GRPEL1: variants seen among roughly 807,000 people sequenced by gnomAD.
GRPEL1 encodes GrpE like 1, mitochondrial.
In GRPEL1, 13 loss-of-function variants were observed where a neutral mutation model predicts 22.1. The ratio of observed to expected loss-of-function variants is 0.59; its 90% CI spans 0.38 to 0.94. The LOEUF is 0.94. Among genes scored for constraint, GRPEL1 ranks in the 40% least tolerant of loss-of-function variants. The pLI is 0.00. For missense variants in GRPEL1, 289 were observed against 264.6 expected, an observed-to-expected ratio of 1.09 and a Z score of -0.64; for synonymous variants, 109 against 105.3, an observed-to-expected ratio of 1.03 and a Z score of -0.21.
intron 3 of GRPEL1, 152 bp downstream of exon 3, chr4:7,062,233 G>T: frequency 2.2e-6 from 1 of 450,146 alleles, no homozygotes; most frequent in Non-Finnish European, 4.1e-6. Flanking sequence ...CACCTTTGCT[G>T]TTGAGCCATC....
rs1724021079 is a variant in GRPEL1 at position 7,060,728 on chromosome 4, G to T, written c.*134C>A. ...ATGCAGTTGGGCAACCGGCTTTTCTGTTTAGCCACTGGTTACTTAAGGTTT... is the reference window on the plus strand; with the variant it reads ...ATGCAGTTGGGCAACCGGCTTTTCTTTTTAGCCACTGGTTACTTAAGGTTT... On this transcript the variant is annotated 3_prime_UTR_variant, in exon 4 of 4. Transcript: ENST00000264954. The T allele has an allele frequency of 2.4e-6, 2 of 816,580 alleles. No individual in the cohort carries two copies. The highest frequency in any genetic ancestry group is 4.9e-5 in the East Asian group (2 of 40,924). The allele number at this position is 816,580 out of a possible 1,614,324, so 50.6% of individuals were successfully genotyped here. A position where few individuals can be genotyped will look rare whatever the true frequency, so the allele number is the denominator to read the frequency against.
chr4:7,064,779 G>A (rs932886850), intron 1 of GRPEL1, among the ~76,000 whole-genome samples: 6 of 152,150 alleles, frequency 3.9e-5, no homozygotes, highest in Middle Eastern at 3.4e-3. Flanking sequence ...GATTACAGGC[G>A]TGAGCCACCG....
Position 7,064,181 on chromosome 4 carries a change from GTTC to G in GRPEL1, c.102_104del (p.Lys34del), listed in dbSNP as rs1296953848. The G allele has an allele frequency of 3.3e-5, 54 of 1,613,974 alleles. No homozygotes were observed. Among genetic ancestry groups the G allele is most frequent in the Non-Finnish European group, 4.6e-5 (54 of 1,179,998 alleles). On this transcript the variant is annotated inframe_deletion, in exon 2 of 4. Transcript: ENST00000264954. ...TGTCCTCTTCCAGGTTCTGGCCACT[GTTC>G]TTTTGTTTCGTGGCTGTGCACAACA...
In GRPEL1 at chr4:7,059,345, G is replaced by A. The variant is rs752546629; in HGVS notation, c.*1517C>T. The stretch of plus-strand genomic sequence containing the variant: ...TAGCAACTGCAGCTGTAGTTGAGAC[G>A]GTAGGAGACTGCAAACATTCACAGA... On this transcript the variant is annotated 3_prime_UTR_variant, in exon 4 of 4. Transcript: ENST00000264954. 1 of 152,206 alleles carries A rather than the reference G, an allele frequency of 6.6e-6. No homozygotes were observed. Among genetic ancestry groups the A allele is most frequent in the South Asian group, 2.1e-4 (1 of 4,830 alleles). The allele number at this position is 152,206 out of a possible 1,614,324, so 9.4% of individuals were successfully genotyped here.
intron 1 of GRPEL1, chr4:7,067,602 A>G (rs1410255532): frequency 6.3e-6 from 2 of 315,548 alleles, no homozygotes; most frequent in Non-Finnish European, 1.2e-5. Flanking sequence ...CTTCAACCGC[A>G]CAAGTTGCGG....
chr4:7,067,740 C>T (rs980520887), intron 1 of GRPEL1, among the ~76,000 whole-genome samples: 1 of 152,242 alleles, frequency 6.6e-6, no homozygotes, highest in Non-Finnish European at 1.5e-5. Flanking sequence ...CGGTCCTCTC[C>T]TCCTGACACG....
chr4:7,065,063 G>C (rs1433741310), intron 1 of GRPEL1, among the ~76,000 whole-genome samples: 1 of 152,146 alleles, frequency 6.6e-6, no homozygotes, highest in Admixed American at 6.5e-5. Context: ...TCCATTCTAA[G>C]GTGACTGAGA....
Position 7,061,560 on chromosome 4 carries a change from C to T in GRPEL1, c.308-352G>A, listed in dbSNP as rs1169095435. ...TGAAGCTGAGACTTGTGTGTGGATG[C>T]CACTAAGCCCGTAAGAGTATGTAAG... On this transcript the variant is annotated intron_variant, in intron 3 of 3. Coordinates refer to ENST00000264954, the MANE Select transcript of GRPEL1 (RefSeq NM_025196.4). 3.5e-5 allele frequency: 9 copies of T among 259,046 alleles called. No homozygotes were observed. The East Asian group carries it at 5.1e-4, about 15-fold the overall frequency. 16.0% of individuals were successfully genotyped at this position (259,046 alleles called of 1,614,324 possible).
At chr4:7,065,332 T>C (rs1479281954) in intron 1 of GRPEL1, among the ~76,000 whole-genome samples, 1 of 152,070 alleles carries the variant, frequency 6.6e-6, no homozygotes, top group Non-Finnish European at 1.5e-5. Context: ...CTGACCAACA[T>C]GGAGAAACCC....
chr4:7,064,189 G>T lies in GRPEL1; in HGVS notation c.97C>A (p.Gln33Lys). 6.2e-7 allele frequency: 1 copy of T among 1,614,010 alleles called. No individual in the cohort carries two copies. The highest frequency in any genetic ancestry group is 8.5e-7 in the Non-Finnish European group (1 of 1,179,962). ...SPRLLCTATK[Q>K]KNSGQNLEED... ...TCCAGGTTCTGGCCACTGTTCTTTT[G>T]TTTCGTGGCTGTGCACAACAACCGG... The change falls in exon 2 of 4, where the codon CAA becomes AAA. Residue 33 changes from glutamine (Q) to lysine (K), a missense_variant. Coordinates refer to ENST00000264954, the MANE Select transcript of GRPEL1 (RefSeq NM_025196.4).
chr4:7,061,223 A>G lies in GRPEL1; in HGVS notation c.308-15T>C, dbSNP rs750489575. On this transcript the variant is annotated splice_polypyrimidine_tract_variant and intron_variant, in intron 3 of 3. Transcript: ENST00000264954. ...GGCTTGAATGCCTGGATGAAGTTAA[A>G]GAAGATCATTTGCACTCCATACCAA... 6.3e-7 allele frequency: 1 copy of G among 1,594,090 alleles called. No individual in the cohort carries two copies. The highest frequency in any genetic ancestry group is 8.6e-7 in the Non-Finnish European group (1 of 1,169,584).
chr4:7,062,898 G>A (rs1724079548), intron 2 of GRPEL1, among the ~76,000 whole-genome samples: 1 of 152,152 alleles, frequency 6.6e-6, no homozygotes, highest in Non-Finnish European at 1.5e-5. Flanking sequence ...AGTCAAAACA[G>A]AAGTAATATC....
At chr4:7,066,313 G>C (rs543277571) in intron 1 of GRPEL1, among the ~76,000 whole-genome samples, 1 of 152,344 alleles carries the variant, frequency 6.6e-6, no homozygotes, top group South Asian at 2.1e-4. Context: ...GAATAAACTT[G>C]CTAACACAAT....
intron 3 of GRPEL1, chr4:7,061,487 C>A (rs938770448): frequency 2.8e-6 from 1 of 362,682 alleles, no homozygotes; most frequent in Non-Finnish European, 5.1e-6. Flanking sequence ...GCCCAGATGT[C>A]AAGCAAGCAG....
At chr4:7,062,772 A>C (rs964049931) in intron 2 of GRPEL1, among the ~76,000 whole-genome samples, 1 of 152,094 alleles carries the variant, frequency 6.6e-6, no homozygotes, top group Non-Finnish European at 1.5e-5. Context: ...TCGGCCTCCC[A>C]AAGTGCTGGG....
At chr4:7,066,819 C>A (rs1470045005) in intron 1 of GRPEL1, among the ~76,000 whole-genome samples, 2 of 152,192 alleles carry the variant, frequency 1.3e-5, no homozygotes, top group Non-Finnish European at 2.9e-5. Context: ...ACTCTGAGAG[C>A]TATGACTACC....
chr4:7,062,141 C>G (rs931075687), intron 3 of GRPEL1: 5 of 268,594 alleles, frequency 1.9e-5, no homozygotes, highest in Non-Finnish European at 3.5e-5. Flanking sequence ...CAGGTTCCCA[C>G]CAAGGTCTCT....
Position 7,060,587 on chromosome 4 carries a change from G to C in GRPEL1, c.*275C>G. The stretch of plus-strand genomic sequence containing the variant: ...GTGTCAGCAGAGTCTGAGCAGACAC[G>C]TTACTCATGATGCTCGGGAGACCAG... On this transcript the variant is annotated 3_prime_UTR_variant, in exon 4 of 4. Coordinates refer to ENST00000264954, the MANE Select transcript of GRPEL1 (RefSeq NM_025196.4). 2.1e-6 allele frequency: 1 copy of C among 471,322 alleles called. No individual in the cohort carries two copies. Among genetic ancestry groups the C allele is most frequent in the East Asian group, 3.7e-5 (1 of 27,244 alleles). The allele number at this position is 471,322 out of a possible 1,614,324, so 29.2% of individuals were successfully genotyped here. A position where few individuals can be genotyped will look rare whatever the true frequency, so the allele number is the denominator to read the frequency against.
Position 7,060,971 on chromosome 4 carries a change from G to A in GRPEL1, c.545C>T (p.Pro182Leu), listed in dbSNP as rs746079512. The A allele has an allele frequency of 1.1e-5, 17 of 1,614,018 alleles. No homozygotes were observed. Among genetic ancestry groups the A allele is most frequent in the African/African-American group, 4.0e-5 (3 of 74,912 alleles). Reference sequence around the variant, plus strand: ...TGTGCCTGGCTCCTTCCCCTCAACCGGTGTGTGGAACAAGGCCTCATGTTC... The same window carrying A: ...TGTGCCTGGCTCCTTCCCCTCAACCAGTGTGTGGAACAAGGCCTCATGTTC... ...PYEHEALFHT[P>L]VEGKEPGTVA... Residue 182 changes from proline (P) to leucine (L), a missense_variant, in exon 4 of 4, where the codon CCG becomes CTG. Transcript: ENST00000264954.
Sources: gnomAD v4.1 joint callset for allele counts (sites outside exome capture counted in the v4.1 genomes callset) on GRCh38, gnomAD v4.1.1 for gene constraint, MANE v1.5 for transcripts, NCBI Gene and HGNC (gene_info 2026-07-23, HGNC 2026-07-21) for gene names.